Variants in NIPBL observed in about 807,000 individuals in gnomAD.
The protein encoded by NIPBL is nipped-B-like protein.
A neutral mutation model predicts 321.8 loss-of-function variants in NIPBL; 19 were observed. The ratio of observed to expected loss-of-function variants is 0.06; its 90% CI spans 0.04 to 0.09. The LOEUF (loss-of-function observed/expected upper bound fraction) is 0.09. Among genes scored for constraint, NIPBL ranks in the 10% least tolerant of loss-of-function variants. The pLI is 1.00. For synonymous variants in NIPBL, 1,106 were observed against 1,114.1 expected (o/e 0.99, Z 0.14); for missense variants, 2,210 against 3,327.0 (o/e 0.66, Z 8.26).
intron 33 of NIPBL, among the ~76,000 whole-genome samples, chr5:37,038,164 T>C (rs1308809789): frequency 6.6e-6 from 1 of 152,116 alleles, no homozygotes; most frequent in East Asian, 1.9e-4. Flanking sequence ...TAATTTTTTA[T>C]TTTTCTGTAG....
At chr5:36,886,453 A>G (rs1454730760) in intron 1 of NIPBL, 1 of 747,206 alleles carries the variant, frequency 1.3e-6, no homozygotes, top group Non-Finnish European at 2.4e-6. Context: ...AGTGGATGGC[A>G]GAGTGGTGTC....
intron 1 of NIPBL, among the ~76,000 whole-genome samples, chr5:36,946,444 G>T (rs1739683458): frequency 6.6e-6 from 1 of 151,816 alleles, no homozygotes; most frequent in African/African-American, 2.4e-5. Context: ...TCCTGTATTT[G>T]CCATTCCTGT....
At chr5:37,060,765 C>T in intron 44 of NIPBL, 79 bp from the exon 45 acceptor site, 1 of 1,212,932 alleles carries the variant, frequency 8.2e-7, no homozygotes, top group Non-Finnish European at 1.2e-6. Flanking sequence ...TAATATGGTG[C>T]TTCCTACCTA....
intron 1 of NIPBL, among the ~76,000 whole-genome samples, chr5:36,888,584 A>T (rs1746090523): frequency 6.6e-6 from 1 of 152,184 alleles, no homozygotes; most frequent in Admixed American, 6.5e-5. Flanking sequence ...AAACTAAAGA[A>T]ATGCTGTGGG....
At chr5:36,981,616 T>C (rs1269554802) in intron 9 of NIPBL, among the ~76,000 whole-genome samples, 1 of 151,762 alleles carries the variant, frequency 6.6e-6, no homozygotes, top group African/African-American at 2.4e-5. Flanking sequence ...CTTTCTTTGC[T>C]TCTGGGATGA....
At chr5:36,984,646 C>T in intron 9 of NIPBL, 30 bp from the exon 10 acceptor site, 1 of 1,566,926 alleles carries the variant, frequency 6.4e-7, no homozygotes, top group South Asian at 1.1e-5. Context: ...ATGTCTATTA[C>T]TGATATTGAT....
At chr5:36,951,314 GC>G (rs1740262639) in intron 1 of NIPBL, among the ~76,000 whole-genome samples, 1 of 152,134 alleles carries the variant, frequency 6.6e-6, no homozygotes, top group South Asian at 2.1e-4. Flanking sequence ...CAGTCAGGTA[GC>G]CCACAGTAGA....
At chr5:36,943,497 A>G (rs1561058596) in intron 1 of NIPBL, among the ~76,000 whole-genome samples, 1 of 152,172 alleles carries the variant, frequency 6.6e-6, no homozygotes, top group Non-Finnish European at 1.5e-5. Context: ...TCATATTCCA[A>G]GCAGCTTTGT....
chr5:36,956,014 G>A (rs969960959), intron 3 of NIPBL, among the ~76,000 whole-genome samples: 3 of 149,800 alleles, frequency 2.0e-5, no homozygotes, highest in Non-Finnish European at 3.0e-5. Flanking sequence ...GAGATCAAGA[G>A]ATTGAGACCA....
chr5:36,880,318 CAAAAT>C (rs1381892482), intron 1 of NIPBL, among the ~76,000 whole-genome samples: 1 of 151,776 alleles, frequency 6.6e-6, no homozygotes, highest in Non-Finnish European at 1.5e-5. Context: ...TTTACTTTCT[CAAAAT>C]AAGATGTAGT....
chr5:36,885,785 A>C, intron 1 of NIPBL: 1 of 627,944 alleles, frequency 1.6e-6, no homozygotes, highest in African/African-American at 1.8e-5. Context: ...CACCAGTGTC[A>C]CTTGGCTGTA....
intron 1 of NIPBL, chr5:36,885,766 C>A: frequency 1.6e-6 from 1 of 617,566 alleles, no homozygotes; most frequent in South Asian, 1.5e-5. Flanking sequence ...TCTGCAAGGT[C>A]ATTGATGACA....
intron 1 of NIPBL, among the ~76,000 whole-genome samples, chr5:36,951,956 A>T (rs758967140): frequency 6.6e-6 from 1 of 151,608 alleles, no homozygotes; most frequent in Non-Finnish European, 1.5e-5. Flanking sequence ...CCCTAGAAGG[A>T]ACCAGAATGC....
chr5:36,944,899 G>A (rs1739496343), intron 1 of NIPBL, among the ~76,000 whole-genome samples: 1 of 152,062 alleles, frequency 6.6e-6, no homozygotes, highest in Non-Finnish European at 1.5e-5. Context: ...TTGGTCAAAC[G>A]TTGAGATCTA....
chr5:36,881,285 T>C (rs548473155), intron 1 of NIPBL, among the ~76,000 whole-genome samples: 3 of 149,512 alleles, frequency 2.0e-5, no homozygotes, highest in Non-Finnish European at 4.5e-5. Flanking sequence ...TAGGTATTTG[T>C]CTTGTGTGTA....
chr5:36,982,500 G>A (rs1397784695), intron 9 of NIPBL, among the ~76,000 whole-genome samples: 1 of 151,682 alleles, frequency 6.6e-6, no homozygotes, highest in African/African-American at 2.4e-5. Flanking sequence ...GTAGTTGAAC[G>A]ATTAAAATTT....
rs566411488 is a variant in NIPBL at position 36,986,288 on chromosome 5, A to G, written c.3108A>G (p.Ser1036=). 4 of 1,508,340 alleles carry G rather than the reference A, an allele frequency of 2.7e-6. No individual in the cohort carries two copies. Among genetic ancestry groups the G allele is most frequent in the African/African-American group, 2.8e-5 (2 of 71,694 alleles). The allele number at this position is 1,508,340 out of a possible 1,614,324, so 93.4% of individuals were successfully genotyped here. The change falls in exon 10 of 47, where the codon TCA becomes TCG. Residue 1036 remains serine (S), a synonymous_variant. Transcript: ENST00000282516. ...SSLKPIKNKP[S]KSNKGSIDQS... ...TTAAACCTATCAAGAATAAACCATC[A>G]AAGTCAAATAAAGGTAAGAATACTT... is the stretch of plus-strand genomic sequence containing the variant.
intron 16 of NIPBL, 120 bp from the exon 17 acceptor site, chr5:37,006,237 A>G (rs1029518936): frequency 1.5e-6 from 1 of 684,532 alleles, no homozygotes; most frequent in African/African-American, 1.8e-5. Flanking sequence ...GGATATTCTT[A>G]AAAGAATTAA....
chr5:36,935,083 T>C (rs935275488), intron 1 of NIPBL, among the ~76,000 whole-genome samples: 7 of 152,292 alleles, frequency 4.6e-5, no homozygotes, highest in African/African-American at 1.4e-4. Flanking sequence ...CGCTCCTCTC[T>C]GTTTTGGCAA....
Sources: gnomAD v4.1 joint callset for allele counts (sites outside exome capture counted in the v4.1 genomes callset) on GRCh38, gnomAD v4.1.1 for gene constraint, MANE v1.5 for transcripts, NCBI Gene and HGNC (gene_info 2026-07-23, HGNC 2026-07-21) for gene names.